Variants in TXNRD1 observed in about 807,000 individuals in gnomAD.
TXNRD1 encodes the protein thioredoxin reductase 1, cytoplasmic.
Under a neutral mutation model 80.3 loss-of-function variants are expected in TXNRD1, and 57 were observed. The ratio of observed to expected loss-of-function variants is 0.71; its 90% confidence interval spans 0.57 to 0.89. The LOEUF (loss-of-function observed/expected upper bound fraction) is 0.89, where lower values mean the gene tolerates loss of function less well. Among genes scored for constraint, TXNRD1 ranks in the 40% least tolerant of loss-of-function variants. The pLI is 0.00. For synonymous variants in TXNRD1, 291 were observed against 285.2 expected (o/e 1.02, Z -0.20); for missense variants, 730 against 803.0 (o/e 0.91, Z 1.10).
intron 1 of TXNRD1, 130 bp downstream of exon 1, chr12:104,216,023 C>A: frequency 3.9e-6 from 3 of 768,020 alleles, no homozygotes; most frequent in Non-Finnish European, 4.0e-6. Context: ...ACTGACCGCG[C>A]GCCACGCTGG....
intron 3 of TXNRD1, among the ~76,000 whole-genome samples, chr12:104,263,664 T>C (rs979496426): frequency 6.6e-6 from 1 of 152,176 alleles, no homozygotes; most frequent in Non-Finnish European, 1.5e-5. Flanking sequence ...CTGCTGACAT[T>C]CTATAGCTAT....
intron 4 of TXNRD1, among the ~76,000 whole-genome samples, chr12:104,301,172 G>A (rs567672383): frequency 6.6e-6 from 1 of 152,272 alleles, no homozygotes; most frequent in East Asian, 1.9e-4. Flanking sequence ...TTATAAGCAG[G>A]TTGGGAGAAT....
At chr12:104,272,826 C>T (rs1400689356) in intron 3 of TXNRD1, among the ~76,000 whole-genome samples, 2 of 150,402 alleles carry the variant, frequency 1.3e-5, no homozygotes, top group African/African-American at 4.9e-5. Flanking sequence ...AAGTAGAAGG[C>T]AAAGAATTGA....
intron 3 of TXNRD1, among the ~76,000 whole-genome samples, chr12:104,264,325 G>C (rs997586217): frequency 6.6e-6 from 1 of 152,176 alleles, no homozygotes; most frequent in Non-Finnish European, 1.5e-5. Context: ...AAGCAACTTA[G>C]AAAACATCAT....
Position 104,319,516 on chromosome 12 carries a change from T to C in TXNRD1, c.920T>C (p.Phe307Ser), listed in dbSNP as rs769923658. Residue 307 changes from phenylalanine to serine, a missense_variant, in exon 9 of 17, where the codon TTT becomes TCT. By Grantham distance (155) the Phe-to-Ser change is radical. Transcript: ENST00000525566. ...GKEKIYSAER[F>S]LIATGERPRY... ...GAAAAAATTTATTCAGCAGAGAGAT[T>C]TCTCATTGCCACTGGTGAAAGACCA... 1.2e-6 allele frequency: 2 copies of C among 1,603,662 alleles called. No homozygotes were observed. Among genetic ancestry groups the C allele is most frequent in the South Asian group, 1.1e-5 (1 of 88,556 alleles).
intron 2 of TXNRD1, 104 bp from the exon 3 acceptor site, chr12:104,257,915 G>T (rs1303827205): frequency 7.3e-6 from 6 of 827,048 alleles, no homozygotes; most frequent in Non-Finnish European, 9.6e-6. Flanking sequence ...GTTTTCAAAG[G>T]TGAAGGCTGG....
rs903013554 is a variant in TXNRD1, at chr12:104,304,815, G to C, written c.415-6475G>C. On this transcript the variant is annotated intron_variant, in intron 4 of 16. Transcript: ENST00000525566. The stretch of plus-strand genomic sequence containing the variant: ...ATGAATGTTAACCAAATGGGTGAGG[G>C]AAATGATTCCAGTTGCCATGGCAGG... 38 of 1,613,898 alleles carry C rather than the reference G, an allele frequency of 2.4e-5. No individual in the cohort carries two copies. The highest frequency in any genetic ancestry group is 3.1e-5 in the Non-Finnish European group (36 of 1,179,904).
intron 4 of TXNRD1, among the ~76,000 whole-genome samples, chr12:104,299,377 A>G (rs932563506): frequency 6.6e-6 from 1 of 152,094 alleles, no homozygotes; most frequent in Non-Finnish European, 1.5e-5. Flanking sequence ...ATTAAAAAAA[A>G]AAATACAGAT....
chr12:104,309,595 G>T (rs190381630), intron 4 of TXNRD1, among the ~76,000 whole-genome samples: 15 of 152,264 alleles, frequency 9.9e-5, no homozygotes, highest in Non-Finnish European at 2.1e-4. Context: ...AAAAATGATT[G>T]TATGTTATTT....
intron 3 of TXNRD1, among the ~76,000 whole-genome samples, chr12:104,285,150 A>G (rs1032393663): frequency 7.2e-5 from 11 of 152,168 alleles, no homozygotes; most frequent in African/African-American, 2.4e-4. Context: ...CTCCAGCCAG[A>G]GCAACAGAGC....
At chr12:104,282,619 T>TTG (rs34503220) in intron 3 of TXNRD1, among the ~76,000 whole-genome samples, 89,134 of 151,266 alleles carry the variant, frequency 0.59, 26,492 homozygotes, top group African/African-American at 0.64. Flanking sequence ...CAGAAAAGCT[T>TTG]TGTGTGTGTG....
intron 6 of TXNRD1, 77 bp downstream of exon 6, chr12:104,313,394 G>A (rs1173824269): frequency 1.3e-4 from 147 of 1,160,890 alleles, no homozygotes; most frequent in Non-Finnish European, 1.6e-4. Context: ...GGTTCCTAAA[G>A]CCTAATTAAA....
rs780174812 is a variant in TXNRD1, at chr12:104,288,984, C to G, written c.358C>G (p.Leu120Val). ...CTCGGAATTGGCCGCGGAAACCGATCTGCCCGTTGTGTTTGTGAAACAGAG... is the reference window on the plus strand; with the variant it reads ...CTCGGAATTGGCCGCGGAAACCGATGTGCCCGTTGTGTTTGTGAAACAGAG... ...TLSELAAETD[L>V]PVVFVKQRKI... Residue 120 changes from leucine to valine, a missense_variant, in exon 4 of 17, where the codon CTG becomes GTG. Transcript: ENST00000525566. 2 of 1,614,056 alleles carry G rather than the reference C, an allele frequency of 1.2e-6. No homozygotes were observed. The highest frequency in any genetic ancestry group is 1.7e-5 in the Admixed American group (1 of 60,020).
At chr12:104,255,662 G>T (rs933631037) in intron 2 of TXNRD1, among the ~76,000 whole-genome samples, 5 of 152,124 alleles carry the variant, frequency 3.3e-5, no homozygotes, top group African/African-American at 1.2e-4. Flanking sequence ...GCTTGGTGAT[G>T]CATGCCTGTA....
intron 11 of TXNRD1, 135 bp from the exon 12 acceptor site, chr12:104,326,212 C>A: frequency 1.6e-6 from 1 of 641,580 alleles, no homozygotes; most frequent in Non-Finnish European, 2.7e-6. Flanking sequence ...TCTTGCATTA[C>A]TTTCTTACTG....
intron 4 of TXNRD1, chr12:104,304,805 A>G (rs763558119): frequency 2.5e-6 from 4 of 1,614,022 alleles, no homozygotes; most frequent in African/African-American, 2.7e-5. Flanking sequence ...TGTTAACCAA[A>G]TGGGTGAGGG....
intron 2 of TXNRD1, among the ~76,000 whole-genome samples, chr12:104,252,308 A>G (rs537149776): frequency 1.3e-5 from 2 of 152,150 alleles, no homozygotes; most frequent in South Asian, 2.1e-4. Context: ...TACTTAGGGT[A>G]CTACCAAATT....
intron 15 of TXNRD1, among the ~76,000 whole-genome samples, chr12:104,338,601 G>A (rs2036221265): frequency 6.8e-6 from 1 of 147,970 alleles, no homozygotes; most frequent in South Asian, 2.1e-4. Flanking sequence ...GGAGGCTGAG[G>A]CAAGAGAATC....
chr12:104,221,310 T>TTTTTA (rs112398345), intron 1 of TXNRD1, among the ~76,000 whole-genome samples: 2,153 of 152,014 alleles, frequency 0.014, 31 homozygotes, highest in South Asian at 0.069. Context: ...TTTGTTTGGA[T>TTTTTA]TTTTATTTTA....
Sources: allele counts gnomAD v4.1 joint callset (sites outside exome capture counted in the v4.1 genomes callset), GRCh38; gene constraint gnomAD v4.1.1; transcripts MANE v1.5; gene names NCBI Gene and HGNC (gene_info 2026-07-23, HGNC 2026-07-21).